The following THAP12 variants were observed in gnomAD, a reference collection of about 807,000 sequenced individuals.
The protein encoded by THAP12 is THAP domain containing 12, also known as 52 kDa repressor of the inhibitor of the protein kinase.
A neutral mutation model predicts 63.0 loss-of-function variants in THAP12; 20 were observed. That is an observed-to-expected ratio of 0.32 (90% confidence interval 0.22 to 0.46). The LOEUF is 0.46. Ranked by LOEUF, THAP12 falls within the 20% of genes least tolerant of loss-of-function variation. The pLI, the probability that THAP12 is intolerant of heterozygous loss-of-function variation, is 1.00. For synonymous variants in THAP12, 264 were observed against 328.4 expected (o/e 0.80, Z 2.12); for missense variants, 568 against 908.2 (o/e 0.63, Z 4.81).
chr11:76,379,175 T>G (rs1227770809), intron 1 of THAP12, among the ~76,000 whole-genome samples: 1 of 152,186 alleles, frequency 6.6e-6, no homozygotes, highest in Non-Finnish European at 1.5e-5. Context: ...TCTTTTTCTT[T>G]TACAATCTAC....
chr11:76,354,649 G>A (rs1347819541), intron 4 of THAP12, among the ~76,000 whole-genome samples: 1 of 152,020 alleles, frequency 6.6e-6, no homozygotes, highest in Non-Finnish European at 1.5e-5. Flanking sequence ...AGTCTAACTA[G>A]CCTCCATGCC....
chr11:76,367,994 T>C lies in THAP12; in HGVS notation c.90-2022A>G, dbSNP rs560352519. Among the ~76,000 whole-genome samples the C allele has an allele frequency of 2.6e-5, 4 of 152,358 alleles. No homozygotes were observed. The East Asian group carries it at 7.7e-4, about 29-fold the overall frequency. ...CAGTTGTACATTATGATTATAAACA[T>C]TTCATGTTTCAAAATCCAAATATTA... On this transcript the variant is annotated intron_variant, in intron 1 of 4. Coordinates refer to ENST00000260045, the MANE Select transcript of THAP12 (RefSeq NM_004705.4).
At position 76,351,767 on chromosome 11, in the gene THAP12, G is replaced by C; in HGVS notation, c.1383C>G (p.Asn461Lys). The part of the protein sequence containing the change: ...INSDTNIRWN[N>K]YIAGRAFVLC... ...GTACAAATGCTCGGCCAGCTATATA[G>C]TTATTCCATCTAATATTTGTGTCAC... is the stretch of plus-strand genomic sequence containing the variant. Residue 461 changes from asparagine to lysine, a missense_variant, in exon 5 of 5, where the codon AAC becomes AAG. Transcript: ENST00000260045. The C allele has an allele frequency of 6.2e-7, 1 of 1,613,356 alleles. No homozygotes were observed. The highest frequency in any genetic ancestry group is 2.2e-5 in the East Asian group (1 of 44,858).
intron 3 of THAP12, chr11:76,358,129 G>A (rs1328642058): frequency 1.3e-5 from 2 of 151,268 alleles, no homozygotes; most frequent in African/African-American, 2.4e-5. Context: ...GCCATCTAAT[G>A]GTTTTACCAA....
At position 76,363,576 on chromosome 11, in the gene THAP12, A is replaced by G. The variant is rs915538822; in HGVS notation, c.210+2276T>C. Among the ~76,000 whole-genome samples, 67 of 101,436 alleles carry G rather than the reference A, an allele frequency of 6.6e-4. No homozygotes were observed. In the Admixed American group the frequency reaches 7.6e-3, roughly 12 times the overall value. 66.5% of individuals were successfully genotyped at this position (101,436 alleles called of 152,430 possible). On this transcript the variant is annotated intron_variant, in intron 2 of 4. Coordinates refer to ENST00000260045, the MANE Select transcript of THAP12 (RefSeq NM_004705.4). ...TTAAACATTTAGATACAGATATCAG[A>G]AAATCCAGGGGTTTTTGTTTGTTTG...
intron 1 of THAP12, among the ~76,000 whole-genome samples, chr11:76,375,033 C>A (rs1217055223): frequency 1.3e-5 from 2 of 152,200 alleles, no homozygotes; most frequent in Non-Finnish European, 2.9e-5. Flanking sequence ...AAATAAATTT[C>A]TGTTGTTTAA....
At chr11:76,378,336 T>C (rs768044463) in intron 1 of THAP12, among the ~76,000 whole-genome samples, 13 of 152,170 alleles carry the variant, frequency 8.5e-5, no homozygotes, top group Non-Finnish European at 1.2e-4. Flanking sequence ...GTGAGTAGAA[T>C]AGTTTGTGAA....
intron 1 of THAP12, among the ~76,000 whole-genome samples, chr11:76,371,443 GGTGT>G (rs1318376861): frequency 6.6e-6 from 1 of 152,022 alleles, no homozygotes; most frequent in Non-Finnish European, 1.5e-5. Context: ...CATATATGTG[GGTGT>G]ATGTGTATGA....
chr11:76,371,502 C>A (rs963703359), intron 1 of THAP12, among the ~76,000 whole-genome samples: 1 of 152,158 alleles, frequency 6.6e-6, no homozygotes, highest in Non-Finnish European at 1.5e-5. Context: ...GACTTTCCAC[C>A]TCTCCATGTA....
In THAP12 at chr11:76,352,487, C is replaced by T. The variant is rs757603406; in HGVS notation, c.663G>A (p.Glu221=). 102 of 1,611,906 alleles carry T rather than the reference C, an allele frequency of 6.3e-5. No homozygotes were observed. The highest frequency in any genetic ancestry group is 2.2e-5 in the Non-Finnish European group (26 of 1,179,860). Residue 221 remains glutamate (E), a synonymous_variant, in exon 5 of 5, where the codon GAG becomes GAA. Transcript: ENST00000260045. ...AAAACAACGTGTTAACTGCTGTTGT[C>T]TCAAACCGCTTTCTCAGAACCTCTT... ...SGEEVLRKRF[E]TTAVNTLFCS...
At chr11:76,375,729 T>G (rs1946704505) in intron 1 of THAP12, among the ~76,000 whole-genome samples, 1 of 89,002 alleles carries the variant, frequency 1.1e-5, no homozygotes, top group Admixed American at 1.7e-4. Flanking sequence ...CCCTACAACC[T>G]GTTTATAGAA....
intron 2 of THAP12, among the ~76,000 whole-genome samples, chr11:76,364,947 AATC>A (rs1946620941): frequency 6.6e-6 from 1 of 152,328 alleles, no homozygotes; most frequent in Admixed American, 6.5e-5. Context: ...ATACTTTTAT[AATC>A]ATCTAAAATT....
intron 2 of THAP12, among the ~76,000 whole-genome samples, chr11:76,365,192 G>A (rs543398371): frequency 9.2e-5 from 14 of 151,754 alleles, no homozygotes; most frequent in Non-Finnish European, 1.9e-4. Context: ...TGAGGAGAGA[G>A]AATCGCTTGA....
rs1172252898 is a variant in THAP12 at position 76,367,956 on chromosome 11, TCA to T, written c.90-1986_90-1985del. ...GATGCCTAAGATGTTCACAATTTAA[TCA>T]CACTTTTACACAGTTGTACATTATG... On this transcript the variant is annotated intron_variant, in intron 1 of 4. Transcript: ENST00000260045. 2.0e-5 allele frequency among the ~76,000 whole-genome samples: 3 copies of T among 152,268 alleles called. No individual in the cohort carries two copies. In the East Asian group the frequency reaches 5.8e-4, roughly 29 times the overall value.
intron 1 of THAP12, among the ~76,000 whole-genome samples, chr11:76,378,037 T>C (rs1036156992): frequency 6.6e-6 from 1 of 152,274 alleles, no homozygotes; most frequent in Non-Finnish European, 1.5e-5. Context: ...TTCTTGGTAA[T>C]GTTCTTTGAT....
At chr11:76,362,084 C>T (rs1251360471) in intron 2 of THAP12, among the ~76,000 whole-genome samples, 1 of 152,158 alleles carries the variant, frequency 6.6e-6, no homozygotes, top group African/African-American at 2.4e-5. Flanking sequence ...GGTCCTACTG[C>T]CAGCCCTGAG....
chr11:76,361,534 T>C (rs575114815), intron 2 of THAP12, among the ~76,000 whole-genome samples: 3 of 152,348 alleles, frequency 2.0e-5, no homozygotes, highest in South Asian at 4.1e-4. Flanking sequence ...CCAGGAGACC[T>C]AGGAACTAGT....
intron 1 of THAP12, among the ~76,000 whole-genome samples, chr11:76,367,904 CCAA>C (rs1946643060): frequency 6.6e-6 from 1 of 152,106 alleles, no homozygotes; most frequent in African/African-American, 2.4e-5. Flanking sequence ...TTTCATTTGA[CCAA>C]CAAGTATTAC....
chr11:76,361,304 G>C (rs538302869), intron 2 of THAP12: 3 of 404,000 alleles, frequency 7.4e-6, no homozygotes, highest in African/African-American at 6.2e-5. Context: ...AATATAAAAT[G>C]TACTTGCATT....
Sources: gnomAD v4.1 joint callset for allele counts (sites outside exome capture counted in the v4.1 genomes callset) on GRCh38, gnomAD v4.1.1 for gene constraint, MANE v1.5 for transcripts, NCBI Gene and HGNC (gene_info 2026-07-23, HGNC 2026-07-21) for gene names.